SNX2: variants seen among roughly 807,000 people sequenced by gnomAD.
SNX2 encodes sorting nexin-2.
A neutral mutation model predicts 69.9 loss-of-function variants in SNX2; 25 were observed. The observed-to-expected ratio is 0.36, with a 90% CI of 0.26 to 0.50. The LOEUF (loss-of-function observed/expected upper bound fraction) is 0.50. Among genes scored for constraint, SNX2 ranks in the 20% least tolerant of loss-of-function variants. The probability of loss-of-function intolerance (pLI) is 0.97; values close to 1 mark genes in which losing one functional copy is unlikely to be tolerated. For missense variants in SNX2, 551 were observed against 613.3 expected, an observed-to-expected ratio of 0.90 and a Z score of 1.07; for synonymous variants, 229 against 200.4, an observed-to-expected ratio of 1.14 and a Z score of -1.20.
Position 122,803,501 on chromosome 5 carries a change from A to G in SNX2, c.531A>G (p.Glu177=), listed in dbSNP as rs762764284. The change falls in exon 6 of 15, where the codon GAA becomes GAG. Residue 177 remains glutamate (E), a synonymous_variant. Coordinates refer to ENST00000379516, the MANE Select transcript of SNX2 (RefSeq NM_003100.4). ...CTCTTTCCATGTTCAGTAAGAGTGAATTTTCAGTGAAAAGAAGATTCAGCG... is the reference window on the plus strand; with the variant it reads ...CTCTTTCCATGTTCAGTAAGAGTGAGTTTTCAGTGAAAAGAAGATTCAGCG... The part of the protein sequence containing the change: ...KTSLSMFSKS[E]FSVKRRFSDF... 4 of 1,611,420 alleles carry G rather than the reference A, an allele frequency of 2.5e-6. No individual in the cohort carries two copies. The South Asian group carries it at 3.3e-5, about 13-fold the overall frequency.
At chr5:122,775,483 G>C in intron 1 of SNX2, 1 of 1,131,704 alleles carries the variant, frequency 8.8e-7, no homozygotes, top group Non-Finnish European at 1.1e-6. Flanking sequence ...CGCTTTCCCA[G>C]CTCAGCTGGC....
intron 10 of SNX2, among the ~76,000 whole-genome samples, chr5:122,818,494 A>G (rs1396007381): frequency 6.6e-6 from 1 of 152,178 alleles, no homozygotes. Context: ...TTAAAAATAT[A>G]TTTCATTTTT....
intron 11 of SNX2, among the ~76,000 whole-genome samples, chr5:122,825,271 AAG>A (rs752257641): frequency 6.6e-6 from 1 of 152,108 alleles, no homozygotes; most frequent in Non-Finnish European, 1.5e-5. Context: ...TCAAGCCAGA[AAG>A]AGGATTCTTA....
At chr5:122,791,451 T>A (rs1753236324) in intron 1 of SNX2, among the ~76,000 whole-genome samples, 1 of 152,150 alleles carries the variant, frequency 6.6e-6, no homozygotes, top group Non-Finnish European at 1.5e-5. Context: ...CCGGCTAATT[T>A]TTGTATTTTT....
intron 6 of SNX2, among the ~76,000 whole-genome samples, chr5:122,806,583 G>A (rs533506657): frequency 1.1e-4 from 16 of 146,202 alleles, no homozygotes; most frequent in African/African-American, 3.6e-4. Context: ...AACTAGTTAC[G>A]GTAGGTTGTT....
chr5:122,813,610 AAT>A (rs886161684), intron 7 of SNX2, among the ~76,000 whole-genome samples: 5 of 151,862 alleles, frequency 3.3e-5, no homozygotes, highest in Non-Finnish European at 5.9e-5. Context: ...AAAAGACAGG[AAT>A]ATATATATAT....
At chr5:122,788,903 G>T (rs554305561) in intron 1 of SNX2, among the ~76,000 whole-genome samples, 18 of 152,116 alleles carry the variant, frequency 1.2e-4, no homozygotes, top group Non-Finnish European at 2.2e-4. Flanking sequence ...CAACATCTGG[G>T]TTATTTCTAG....
Position 122,795,308 on chromosome 5 carries a change from G to C in SNX2, c.151G>C (p.Asp51His), listed in dbSNP as rs1033988012. The C allele has an allele frequency of 1.2e-6, 2 of 1,613,922 alleles. No homozygotes were observed. The highest frequency in any genetic ancestry group is 2.7e-5 in the African/African-American group (2 of 75,038). Residue 51 changes from aspartate (D) to histidine (H), a missense_variant, in exon 2 of 15, where the codon GAT becomes CAT. Around this residue, in one of 2 missense-constraint regions of SNX2, gnomAD observed 191 missense variants for 162.9 expected, o/e 1.17. Coordinates refer to ENST00000379516, the MANE Select transcript of SNX2 (RefSeq NM_003100.4). ...AGAACCAGCTAGTCTTCCTGCAGAAGATATTAGTGCAAACTCCAATGGCCC... is the reference window on the plus strand; with the variant it reads ...AGAACCAGCTAGTCTTCCTGCAGAACATATTAGTGCAAACTCCAATGGCCC... ...SPEPASLPAE[D>H]ISANSNGPKP...
intron 11 of SNX2, among the ~76,000 whole-genome samples, chr5:122,820,908 A>G (rs1001419005): frequency 1.3e-5 from 2 of 152,316 alleles, no homozygotes; most frequent in African/African-American, 4.8e-5. Flanking sequence ...TTTTCCACCA[A>G]ATATCTATTT....
intron 6 of SNX2, among the ~76,000 whole-genome samples, chr5:122,804,794 A>G (rs1383772430): frequency 6.6e-6 from 1 of 152,110 alleles, no homozygotes; most frequent in African/African-American, 2.4e-5. Context: ...TATTTTATTC[A>G]ATGCTTTTTC....
chr5:122,781,534 G>A (rs1752981025), intron 1 of SNX2, among the ~76,000 whole-genome samples: 1 of 152,166 alleles, frequency 6.6e-6, no homozygotes, highest in Non-Finnish European at 1.5e-5. Context: ...TACAAAGTAG[G>A]GTGGCTGGGT....
At chr5:122,810,872 A>G (rs1753760286) in intron 7 of SNX2, among the ~76,000 whole-genome samples, 1 of 152,246 alleles carries the variant, frequency 6.6e-6, no homozygotes, top group African/African-American at 2.4e-5. Context: ...ATAAAGGTGT[A>G]GAAGCAAAGG....
chr5:122,784,683 CG>C (rs1291757308), intron 1 of SNX2, among the ~76,000 whole-genome samples: 3 of 152,124 alleles, frequency 2.0e-5, no homozygotes, highest in Non-Finnish European at 4.4e-5. Context: ...TCTGTGTTCA[CG>C]ACAGATATTT....
rs1754307512 is a variant in SNX2, at chr5:122,832,231, G to A, written c.*2583G>A. 1.3e-5 allele frequency: 2 copies of A among 152,118 alleles called. No homozygotes were observed. The highest frequency in any genetic ancestry group is 1.3e-4 in the Admixed American group (2 of 15,266). 9.4% of individuals were successfully genotyped at this position (152,118 alleles called of 1,614,324 possible). The stretch of plus-strand genomic sequence containing the variant: ...TGTTCAGTCTTGTTTCATTTAGTAT[G>A]ACTTTGGGCATATCACTTAAATCTC... On this transcript the variant is annotated 3_prime_UTR_variant, in exon 15 of 15. Coordinates refer to ENST00000379516, the MANE Select transcript of SNX2 (RefSeq NM_003100.4).
At chr5:122,822,375 A>C (rs540450712) in intron 11 of SNX2, among the ~76,000 whole-genome samples, 3 of 152,196 alleles carry the variant, frequency 2.0e-5, no homozygotes, top group South Asian at 4.2e-4. Context: ...GAGCCACCGC[A>C]CCCAGCCCTA....
intron 11 of SNX2, among the ~76,000 whole-genome samples, chr5:122,821,736 T>G (rs1261474402): frequency 2.0e-5 from 3 of 152,162 alleles, no homozygotes. Context: ...ATTACAGGCG[T>G]GAGCCATTGC....
At chr5:122,805,251 A>G (rs897683358) in intron 6 of SNX2, among the ~76,000 whole-genome samples, 4 of 148,180 alleles carry the variant, frequency 2.7e-5, no homozygotes, top group Non-Finnish European at 5.9e-5. Context: ...AGATTGTGCC[A>G]TTGCACTCCA....
At chr5:122,815,812 C>A in intron 7 of SNX2, 84 bp from the exon 8 acceptor site, 1 of 654,074 alleles carries the variant, frequency 1.5e-6, no homozygotes, top group Non-Finnish European at 2.6e-6. Context: ...CTTTTTTTTC[C>A]TAGTATTTCT....
At chr5:122,805,878 TC>T (rs1753631389) in intron 6 of SNX2, among the ~76,000 whole-genome samples, 1 of 152,132 alleles carries the variant, frequency 6.6e-6, no homozygotes, top group Admixed American at 6.5e-5. Flanking sequence ...TCTCCCGGGT[TC>T]ATGCTATTCT....
Sources: gnomAD v4.1 joint callset for allele counts (sites outside exome capture counted in the v4.1 genomes callset) on GRCh38, gnomAD v4.1.1 for gene constraint, gnomAD v4.1.1 regional missense constraint, MANE v1.5 for transcripts, NCBI Gene and HGNC (gene_info 2026-07-23, HGNC 2026-07-21) for gene names.